The following LUC7L3 variants were observed in gnomAD, a reference collection of about 807,000 sequenced individuals.
LUC7L3 encodes LUC7 like 3 pre-mRNA splicing factor.
Under a neutral mutation model 66.8 loss-of-function variants are expected in LUC7L3, and 6 were observed. The ratio of observed to expected loss-of-function variants is 0.09; its 90% CI spans 0.05 to 0.18. LUC7L3 has a LOEUF of 0.18. Ranked by LOEUF, LUC7L3 falls within the 10% of genes least tolerant of loss-of-function variation. The pLI is 1.00. For synonymous variants in LUC7L3, 160 were observed against 174.7 expected (o/e 0.92, Z 0.66); for missense variants, 341 against 531.1 (o/e 0.64, Z 3.52).
chr17:50,726,580 G>A (rs1567857456), intron 1 of LUC7L3, among the ~76,000 whole-genome samples: 1 of 152,216 alleles, frequency 6.6e-6, no homozygotes, highest in Non-Finnish European at 1.5e-5. Context: ...AGTACAAGAA[G>A]TTAAATTGCT....
In LUC7L3 at chr17:50,750,960, A is replaced by G. The variant is rs1467813866; in HGVS notation, c.*299A>G. On this transcript the variant is annotated 3_prime_UTR_variant, in exon 10 of 10. Transcript: ENST00000505658. The stretch of plus-strand genomic sequence containing the variant: ...TAATATAGTCGCCATTGAAAAGTTA[A>G]TTATCCTTTTTTTAGGGATTTTGAT... 6.7e-7 allele frequency: 1 copy of G among 1,481,520 alleles called. No individual in the cohort carries two copies. The highest frequency in any genetic ancestry group is 8.9e-7 in the Non-Finnish European group (1 of 1,123,298). 91.8% of individuals were successfully genotyped at this position (1,481,520 alleles called of 1,614,324 possible).
intron 1 of LUC7L3, chr17:50,723,992 A>G (rs922192671): frequency 2.2e-6 from 1 of 455,818 alleles, no homozygotes; most frequent in African/African-American, 2.0e-5. Context: ...CAGAATTGCC[A>G]GCAGTCCATG....
chr17:50,751,494 C>T lies in LUC7L3; in HGVS notation c.*833C>T, dbSNP rs1036954698. ...GTGCAGAGGGGTTTTTTGTGTATTG[C>T]GTGAAAACTTATAAAACAAATGTTA... is the stretch of plus-strand genomic sequence containing the variant. On this transcript the variant is annotated 3_prime_UTR_variant, in exon 10 of 10. Transcript: ENST00000505658. The T allele has an allele frequency of 5.9e-6, 7 of 1,180,648 alleles. No homozygotes were observed. The highest frequency in any genetic ancestry group is 1.2e-4 in the East Asian group (2 of 16,090). The allele number at this position is 1,180,648 out of a possible 1,614,324, so 73.1% of individuals were successfully genotyped here.
In LUC7L3 at chr17:50,743,687, T is replaced by C. The variant is rs1015261339; in HGVS notation, c.427-19T>C. The stretch of plus-strand genomic sequence containing the variant: ...GTTTGAAAGAAATCTTAACTGTTTT[T>C]TTCCCCTACTCTTCTAAGATTGAAG... On this transcript the variant is annotated intron_variant, in intron 5 of 9. Transcript: ENST00000505658. The C allele has an allele frequency of 3.4e-6, 5 of 1,481,530 alleles. No individual in the cohort carries two copies. In the African/African-American group the frequency reaches 7.0e-5, roughly 21 times the overall value. 91.8% of individuals were successfully genotyped at this position (1,481,530 alleles called of 1,614,324 possible). A position where few individuals can be genotyped will look rare whatever the true frequency, so the allele number is the denominator to read the frequency against.
intron 1 of LUC7L3, chr17:50,723,595 T>G (rs1968939002): frequency 6.4e-6 from 1 of 156,668 alleles, no homozygotes; most frequent in Admixed American, 6.2e-5. Context: ...ATGTTCATAG[T>G]AACTTACTAT....
chr17:50,755,355 T>A lies in LUC7L3; in HGVS notation c.*4694T>A, dbSNP rs950523434. On this transcript the variant is annotated 3_prime_UTR_variant, in exon 10 of 10. Coordinates refer to ENST00000505658, the MANE Select transcript of LUC7L3 (RefSeq NM_016424.5). The stretch of plus-strand genomic sequence containing the variant: ...ATATATGTATAGATCTTTCAAAATA[T>A]ATGACGGTATACCCGTATGTTCTGA... 1 of 152,212 alleles carries A rather than the reference T, an allele frequency of 6.6e-6. No homozygotes were observed. Among genetic ancestry groups the A allele is most frequent in the Non-Finnish European group, 1.5e-5 (1 of 68,036 alleles). 9.4% of individuals were successfully genotyped at this position (152,212 alleles called of 1,614,324 possible).
chr17:50,726,273 G>A (rs1007540464), intron 1 of LUC7L3, among the ~76,000 whole-genome samples: 6 of 152,180 alleles, frequency 3.9e-5, no homozygotes, highest in African/African-American at 1.4e-4. Context: ...CCAGGTTCAA[G>A]CAGTTCTCAT....
chr17:50,733,275 G>A (rs992427148), intron 1 of LUC7L3, among the ~76,000 whole-genome samples: 4 of 148,416 alleles, frequency 2.7e-5, no homozygotes, highest in African/African-American at 1.0e-4. Flanking sequence ...ACAGAGTCTC[G>A]CTCTATCACC....
At chr17:50,744,910 T>A (rs1970571752) in intron 7 of LUC7L3, 97 bp downstream of exon 7, 1 of 974,212 alleles carries the variant, frequency 1.0e-6, no homozygotes, top group Middle Eastern at 3.2e-4. Context: ...CTCCCAGGTT[T>A]AAGCAATTCT....
At chr17:50,727,423 A>G (rs1314916176) in intron 1 of LUC7L3, among the ~76,000 whole-genome samples, 3 of 152,234 alleles carry the variant, frequency 2.0e-5, no homozygotes, top group Non-Finnish European at 2.9e-5. Context: ...GCTCTGTTCA[A>G]CAACCAATTT....
chr17:50,746,813 C>A, intron 9 of LUC7L3, 111 bp downstream of exon 9: 1 of 847,074 alleles, frequency 1.2e-6, no homozygotes, highest in Non-Finnish European at 1.8e-6. Context: ...CTCCTTTTCA[C>A]TTTGAGGAAT....
chr17:50,747,232 C>CTTTTTTTTTTTTTT (rs757254602), intron 9 of LUC7L3, among the ~76,000 whole-genome samples: 16 of 102,942 alleles, frequency 1.6e-4, no homozygotes, highest in East Asian at 5.7e-4. Context: ...TTTTCTTTTT[C>CTTTTTTTTTTTTTT]TTTTTTTTTT....
intron 1 of LUC7L3, among the ~76,000 whole-genome samples, chr17:50,733,424 CAG>C (rs1429473852): frequency 4.0e-4 from 40 of 98,768 alleles, no homozygotes; most frequent in African/African-American, 1.7e-3. Flanking sequence ...TTTTTTGAGA[CAG>C]AGTCTCCCTC....
rs190539893 is a variant in LUC7L3, at chr17:50,720,721, A to T, written c.99+890A>T. 1.3e-3 allele frequency among the ~76,000 whole-genome samples: 200 copies of T among 152,356 alleles called. 2 individuals carry two copies. The highest frequency in any genetic ancestry group is 4.6e-3 in the African/African-American group (191 of 41,576). ...ACATGCTAATTTTAAAACAATTGCT[A>T]ATCAAAATAGGAAGGAATAGTTCAG... On this transcript the variant is annotated intron_variant, in intron 1 of 9. Coordinates refer to ENST00000505658, the MANE Select transcript of LUC7L3 (RefSeq NM_016424.5).
intron 1 of LUC7L3, among the ~76,000 whole-genome samples, chr17:50,730,105 A>G (rs1969488916): frequency 6.6e-6 from 1 of 151,122 alleles, no homozygotes; most frequent in African/African-American, 2.4e-5. Flanking sequence ...CCTCCTGAGT[A>G]GCTGGGACTA....
chr17:50,732,916 G>C (rs556601412), intron 1 of LUC7L3, among the ~76,000 whole-genome samples: 2 of 152,216 alleles, frequency 1.3e-5, no homozygotes, highest in African/African-American at 4.8e-5. Context: ...TTCTTTAGCA[G>C]ATAAGCAACG....
chr17:50,745,292 C>T (rs1404677695), intron 7 of LUC7L3, among the ~76,000 whole-genome samples: 1 of 152,118 alleles, frequency 6.6e-6, no homozygotes, highest in Non-Finnish European at 1.5e-5. Flanking sequence ...TAAATTTCTT[C>T]TAAAGATACA....
chr17:50,747,510 A>G (rs929524319), intron 9 of LUC7L3, among the ~76,000 whole-genome samples: 1 of 151,912 alleles, frequency 6.6e-6, no homozygotes, highest in African/African-American at 2.4e-5. Flanking sequence ...GAAGGGGCCT[A>G]TTTCTGATTT....
At chr17:50,736,109 GGCAACAGA>G (rs2146732309) in intron 1 of LUC7L3, among the ~76,000 whole-genome samples, 1 of 152,272 alleles carries the variant, frequency 6.6e-6, no homozygotes, top group South Asian at 2.1e-4. Context: ...CTCTAGCCTG[GGCAACAGA>G]GTGAGTGAGA....
Sources: gnomAD v4.1 joint callset for allele counts (sites outside exome capture counted in the v4.1 genomes callset) on GRCh38, gnomAD v4.1.1 for gene constraint, MANE v1.5 for transcripts, NCBI Gene and HGNC (gene_info 2026-07-23, HGNC 2026-07-21) for gene names.